ASIC2: variants seen among roughly 807,000 people sequenced by gnomAD.
The protein encoded by ASIC2 is acid-sensing ion channel 2.
Under a neutral mutation model 57.3 loss-of-function variants are expected in ASIC2, and 25 were observed. That is an observed-to-expected ratio of 0.44 (90% confidence interval 0.32 to 0.61). The LOEUF (loss-of-function observed/expected upper bound fraction) is 0.61. ASIC2 is among the 20% of genes least tolerant of loss of function. The probability of loss-of-function intolerance (pLI) is 0.06; values close to 1 mark genes in which losing one functional copy is unlikely to be tolerated. For missense variants in ASIC2, 641 were observed against 738.1 expected (o/e 0.87, Z 1.52); for synonymous variants, 319 against 307.5 (o/e 1.04, Z -0.39).
intron 1 of ASIC2, among the ~76,000 whole-genome samples, chr17:33,740,998 T>G (rs1417338131): frequency 6.6e-6 from 1 of 152,156 alleles, no homozygotes; most frequent in Non-Finnish European, 1.5e-5. Flanking sequence ...GGCTATTACC[T>G]CCTCCAGTAT....
At chr17:33,661,142 T>C (rs1314011062) in intron 1 of ASIC2, among the ~76,000 whole-genome samples, 2 of 152,180 alleles carry the variant, frequency 1.3e-5, no homozygotes, top group African/African-American at 4.8e-5. Flanking sequence ...CAGCCGTACC[T>C]TCCTTTCCTT....
chr17:33,404,242 G>A (rs192544850), intron 1 of ASIC2, among the ~76,000 whole-genome samples: 143 of 152,276 alleles, frequency 9.4e-4, no homozygotes, highest in Non-Finnish European at 1.5e-3. Context: ...ACGGAAATGT[G>A]CTAATTGATT....
chr17:34,120,722 C>CT lies in ASIC2; in HGVS notation c.555+35255dup, dbSNP rs142959293. On this transcript the variant is annotated intron_variant, in intron 1 of 9. Transcript: ENST00000359872. ...TTAATGCAAAATGACTGGGGTCCTTCTTTTTTTTTTTTTTTTCTTTTTTTT... is the reference window on the plus strand; with the variant it reads ...TTAATGCAAAATGACTGGGGTCCTTCTTTTTTTTTTTTTTTTTCTTTTTTTT... Among the ~76,000 whole-genome samples the CT allele has an allele frequency of 8.2e-3, 773 of 94,580 alleles. 7 individuals carry two copies. Among genetic ancestry groups the CT allele is most frequent in the Non-Finnish European group, 0.011 (574 of 50,958 alleles). 62.0% of individuals were successfully genotyped at this position (94,580 alleles called of 152,430 possible).
In ASIC2 at chr17:33,738,427, A is replaced by T. The variant is rs537106913; in HGVS notation, c.555+417551T>A. Among the ~76,000 whole-genome samples the T allele has an allele frequency of 9.2e-5, 14 of 152,232 alleles. No homozygotes were observed. In the South Asian group the frequency reaches 2.9e-3, roughly 32 times the overall value. Reference sequence around the variant, plus strand: ...TTCTGGTCTGCCTCTGGGCTGCCAGAACCTAATTTGTTCACCAATATACAT... The same window carrying T: ...TTCTGGTCTGCCTCTGGGCTGCCAGTACCTAATTTGTTCACCAATATACAT... On this transcript the variant is annotated intron_variant, in intron 1 of 9. Coordinates refer to the ASIC2 transcript ENST00000359872.
intron 3 of ASIC2, among the ~76,000 whole-genome samples, chr17:33,056,419 G>A (rs766651674): frequency 3.3e-5 from 5 of 152,180 alleles, no homozygotes; most frequent in Non-Finnish European, 5.9e-5. Flanking sequence ...GACAGTTTGG[G>A]GTTGGGGGAA....
At chr17:33,205,288 A>G (rs1171958573) in intron 1 of ASIC2, among the ~76,000 whole-genome samples, 1 of 152,200 alleles carries the variant, frequency 6.6e-6, no homozygotes, top group Non-Finnish European at 1.5e-5. Flanking sequence ...CACAGCCAAT[A>G]AGCCCCTGCC....
At chr17:34,093,872 A>G (rs1015362887) in intron 1 of ASIC2, among the ~76,000 whole-genome samples, 4 of 152,128 alleles carry the variant, frequency 2.6e-5, no homozygotes, top group African/African-American at 9.7e-5. Flanking sequence ...ATTTGGGGGC[A>G]CAGGAGGGGA....
chr17:33,690,326 T>C (rs554089978), intron 1 of ASIC2, among the ~76,000 whole-genome samples: 1 of 152,364 alleles, frequency 6.6e-6, no homozygotes, highest in East Asian at 1.9e-4. Context: ...ATGGCACCAG[T>C]TGAAGCTAGA....
intron 1 of ASIC2, among the ~76,000 whole-genome samples, chr17:33,782,273 G>A (rs1358576941): frequency 6.6e-6 from 1 of 151,422 alleles, no homozygotes; most frequent in African/African-American, 2.4e-5. Context: ...TCCCCTATAA[G>A]CTTCAAAGTT....
chr17:33,329,399 T>C (rs1907213091), intron 1 of ASIC2, among the ~76,000 whole-genome samples: 2 of 152,180 alleles, frequency 1.3e-5, no homozygotes, highest in African/African-American at 2.4e-5. Flanking sequence ...GTTGGGTTAA[T>C]GAGGATAGCA....
At chr17:33,179,444 G>T (rs565401953) in intron 1 of ASIC2, among the ~76,000 whole-genome samples, 1 of 152,340 alleles carries the variant, frequency 6.6e-6, no homozygotes, top group Admixed American at 6.5e-5. Context: ...AAATCACAAT[G>T]TTGTCAAAAG....
chr17:33,602,578 C>A (rs1905137669), intron 1 of ASIC2, among the ~76,000 whole-genome samples: 1 of 152,214 alleles, frequency 6.6e-6, no homozygotes, highest in South Asian at 2.1e-4. Context: ...GTCTGTGGTA[C>A]TGTTATAGCA....
At chr17:33,568,217 TG>T (rs1916308915) in intron 1 of ASIC2, among the ~76,000 whole-genome samples, 1 of 152,198 alleles carries the variant, frequency 6.6e-6, no homozygotes, top group Non-Finnish European at 1.5e-5. Flanking sequence ...TAGCATACCT[TG>T]GTTCAGGAAG....
intron 1 of ASIC2, among the ~76,000 whole-genome samples, chr17:33,803,034 C>T (rs929035653): frequency 6.6e-6 from 1 of 152,208 alleles, no homozygotes; most frequent in Non-Finnish European, 1.5e-5. Flanking sequence ...TCTCTTTTCT[C>T]AGCTCCAAAG....
chr17:33,613,703 GTCT>G (rs1905498981), intron 1 of ASIC2, among the ~76,000 whole-genome samples: 1 of 152,088 alleles, frequency 6.6e-6, no homozygotes, highest in Non-Finnish European at 1.5e-5. Context: ...GAAATGTGTA[GTCT>G]TCTTTATTTA....
chr17:33,115,446 C>T (rs2092277276), intron 1 of ASIC2, among the ~76,000 whole-genome samples: 1 of 152,186 alleles, frequency 6.6e-6, no homozygotes, highest in African/African-American at 2.4e-5. Flanking sequence ...TATGGTTGAG[C>T]CCCTGACACA....
chr17:33,848,881 C>T (rs1166704279), intron 1 of ASIC2, among the ~76,000 whole-genome samples: 2 of 152,196 alleles, frequency 1.3e-5, no homozygotes, highest in African/African-American at 4.8e-5. Flanking sequence ...ATGCACATAT[C>T]TATTTTATCC....
At chr17:33,750,588 C>T (rs1442204119) in intron 1 of ASIC2, among the ~76,000 whole-genome samples, 1 of 152,164 alleles carries the variant, frequency 6.6e-6, no homozygotes. Flanking sequence ...CAAGACCCTA[C>T]AGTTAATAAC....
At chr17:33,784,181 C>A (rs1911539538) in intron 1 of ASIC2, among the ~76,000 whole-genome samples, 1 of 152,156 alleles carries the variant, frequency 6.6e-6, no homozygotes. Flanking sequence ...GGCCTTGGGC[C>A]AGGTATCTCA....
Sources: allele counts gnomAD v4.1 joint callset (sites outside exome capture counted in the v4.1 genomes callset), GRCh38; gene constraint gnomAD v4.1.1; transcripts MANE v1.5; gene names NCBI Gene and HGNC (gene_info 2026-07-23, HGNC 2026-07-21).